Variants in GAS7 observed in about 807,000 individuals in gnomAD.
The protein encoded by GAS7 is growth arrest specific 7, also known as growth arrest-specific protein 7.
A neutral mutation model predicts 71.1 loss-of-function variants in GAS7; 28 were observed. The observed-to-expected ratio is 0.39, with a 90% CI of 0.29 to 0.54. The LOEUF is 0.54. Ranked by LOEUF, GAS7 falls within the 20% of genes least tolerant of loss-of-function variation. The pLI, the probability that GAS7 is intolerant of heterozygous loss-of-function variation, is 0.62. For synonymous variants in GAS7, 258 were observed against 245.8 expected (o/e 1.05, Z -0.46); for missense variants, 436 against 627.8 (o/e 0.69, Z 3.27).
intron 2 of GAS7, among the ~76,000 whole-genome samples, chr17:10,014,544 C>T (rs1441369664): frequency 1.3e-5 from 2 of 152,148 alleles, no homozygotes; most frequent in African/African-American, 2.4e-5. Flanking sequence ...CCAAACACAT[C>T]CGCTGTTTTT....
At position 9,919,154 on chromosome 17, in the gene GAS7, G is replaced by A. The variant is rs973948992; in HGVS notation, c.1218+472C>T. On this transcript the variant is annotated intron_variant, in intron 12 of 13. Transcript: ENST00000432992. This position sits in a 1 kb window ranked among gnomAD's most constrained non-coding sequence, Gnocchi z 5.0. ...ACTCAAGAGCATCATCGGCCCTGCC[G>A]CCTGTTGTTCACCCTTGGTGAGAGG... Among the ~76,000 whole-genome samples, 18 of 145,566 alleles carry A rather than the reference G, an allele frequency of 1.2e-4. No individual in the cohort carries two copies. The highest frequency in any genetic ancestry group is 3.2e-4 in the African/African-American group (13 of 40,562).
At chr17:10,115,650 A>C (rs1192740219) in intron 1 of GAS7, among the ~76,000 whole-genome samples, 1 of 151,956 alleles carries the variant, frequency 6.6e-6, no homozygotes, top group Non-Finnish European at 1.5e-5. Context: ...GCCCATACTT[A>C]TTACCATTTC....
intron 1 of GAS7, among the ~76,000 whole-genome samples, chr17:10,138,704 T>A (rs372362482): frequency 6.6e-6 from 1 of 151,574 alleles, no homozygotes; most frequent in African/African-American, 2.4e-5. Context: ...GAGGTGGAGG[T>A]TGCAGTAAGC....
Position 10,103,684 on chromosome 17 carries a change from G to A in GAS7, c.184-83787C>T, listed in dbSNP as rs1049482072. Among the ~76,000 whole-genome samples the A allele has an allele frequency of 6.6e-6, 1 of 152,004 alleles. No homozygotes were observed. Among genetic ancestry groups the A allele is most frequent in the African/African-American group, 2.4e-5 (1 of 41,376 alleles). On this transcript the variant is annotated intron_variant, in intron 1 of 13. Coordinates refer to ENST00000432992, the MANE Select transcript of GAS7 (RefSeq NM_201433.2). The surrounding 1 kb of genome is among the most constrained non-coding windows in gnomAD (Gnocchi z 5.5). ...CTACCAAAAATACAAAAATTAGCTG[G>A]GTGTGGTGGCACATGCCTGTAATCC...
rs1402015067 is a variant in GAS7 at position 9,919,727 on chromosome 17, C to T, written c.1139-22G>A. 4 of 1,535,940 alleles carry T rather than the reference C, an allele frequency of 2.6e-6. No individual in the cohort carries two copies. The highest frequency in any genetic ancestry group is 2.7e-6 in the Non-Finnish European group (3 of 1,108,902). On this transcript the variant is annotated intron_variant, in intron 11 of 13. Coordinates refer to ENST00000432992, the MANE Select transcript of GAS7 (RefSeq NM_201433.2). The surrounding 1 kb of genome is among the most constrained non-coding windows in gnomAD (Gnocchi z 5.0). ...TCTCCTGGAAAAAGACCACAGTCAC[C>T]ATCATGAAGCATCCTATCCTCACCA... is the stretch of plus-strand genomic sequence containing the variant.
chr17:10,029,279 G>A (rs1161126924), intron 1 of GAS7, among the ~76,000 whole-genome samples: 1 of 152,190 alleles, frequency 6.6e-6, no homozygotes, highest in Non-Finnish European at 1.5e-5. Context: ...TCTTTCACAA[G>A]GGAAGGCAAC....
intron 3 of GAS7, among the ~76,000 whole-genome samples, chr17:9,975,478 T>TC (rs35650617): frequency 1.3e-4 from 13 of 99,370 alleles, no homozygotes; most frequent in African/African-American, 5.7e-4. Flanking sequence ...CCTTCGGGCT[T>TC]CTTTTTCCTT....
intron 1 of GAS7, among the ~76,000 whole-genome samples, chr17:10,118,007 C>T (rs972732000): frequency 1.3e-5 from 2 of 152,132 alleles, no homozygotes; most frequent in Admixed American, 6.5e-5. Context: ...GGCTAGGCAA[C>T]TGCGTCCTGG....
chr17:9,995,581 G>T (rs1204834589), intron 2 of GAS7, among the ~76,000 whole-genome samples: 1 of 151,384 alleles, frequency 6.6e-6, no homozygotes, highest in East Asian at 1.9e-4. Context: ...TTCAAAATTG[G>T]AGAAATACAA....
chr17:10,148,098 T>C (rs2074135045), intron 1 of GAS7, among the ~76,000 whole-genome samples: 1 of 152,116 alleles, frequency 6.6e-6, no homozygotes, highest in African/African-American at 2.4e-5. Flanking sequence ...CACGTGAACA[T>C]CAATTATTGG....
intron 1 of GAS7, among the ~76,000 whole-genome samples, chr17:10,172,430 C>A (rs1218888999): frequency 6.6e-6 from 1 of 152,044 alleles, no homozygotes; most frequent in Non-Finnish European, 1.5e-5. Flanking sequence ...CAACTTTGCC[C>A]CCAGGCCAGC....
At chr17:9,995,880 C>T (rs986730275) in intron 2 of GAS7, among the ~76,000 whole-genome samples, 8 of 152,158 alleles carry the variant, frequency 5.3e-5, no homozygotes, top group Non-Finnish European at 1.0e-4. Flanking sequence ...AATGATGTAT[C>T]GACAGGGTGG....
chr17:10,153,840 G>C (rs571790869), intron 1 of GAS7, among the ~76,000 whole-genome samples: 54 of 152,250 alleles, frequency 3.5e-4, no homozygotes, highest in Admixed American at 8.5e-4. Flanking sequence ...GCCAAGATGG[G>C]AGGATCACTT....
chr17:9,996,044 G>A (rs2071028131), intron 2 of GAS7, among the ~76,000 whole-genome samples: 1 of 152,196 alleles, frequency 6.6e-6, no homozygotes. Flanking sequence ...TACACATGAA[G>A]CATTTGATGC....
chr17:9,931,327 C>T (rs16959036), intron 9 of GAS7, among the ~76,000 whole-genome samples: 2,956 of 152,296 alleles, frequency 0.019, 99 homozygotes, highest in African/African-American at 0.067. Context: ...ACCACTACCA[C>T]GTCGGAGAGA....
intron 8 of GAS7, among the ~76,000 whole-genome samples, chr17:9,935,502 C>T (rs1005367224): frequency 1.3e-5 from 2 of 152,198 alleles, no homozygotes; most frequent in African/African-American, 4.8e-5. Context: ...TAATATCATC[C>T]AAAAGCCACT....
At chr17:10,069,393 G>A (rs889061201) in intron 1 of GAS7, among the ~76,000 whole-genome samples, 3 of 152,202 alleles carry the variant, frequency 2.0e-5, no homozygotes, top group African/African-American at 7.2e-5. Context: ...CCTCTTCCAT[G>A]TTGGCCTGTG....
rs776492239 is a variant in GAS7 at position 9,917,363 on chromosome 17, C to T, written c.1318-22G>A. ...CTGTCTGCAAGAGACAGAGAAAATG[C>T]GACACTGTTAGAGACGGCGGCCAAG... On this transcript the variant is annotated intron_variant, in intron 13 of 13. Transcript: ENST00000432992. 3.6e-5 allele frequency: 55 copies of T among 1,547,858 alleles called. No individual in the cohort carries two copies. In the East Asian group the frequency reaches 7.2e-4, roughly 20 times the overall value.
intron 1 of GAS7, among the ~76,000 whole-genome samples, chr17:10,139,065 C>A (rs1312923369): frequency 2.0e-5 from 3 of 152,150 alleles, no homozygotes; most frequent in Non-Finnish European, 4.4e-5. Flanking sequence ...TCCAGGAAGA[C>A]ACTGAAAAAC....
Sources: gnomAD v4.1 joint callset for allele counts (sites outside exome capture counted in the v4.1 genomes callset) on GRCh38, gnomAD v4.1.1 for gene constraint, Gnocchi (gnomAD v3.1) non-coding constraint, MANE v1.5 for transcripts, NCBI Gene and HGNC (gene_info 2026-07-23, HGNC 2026-07-21) for gene names.